TTLL6: variants seen among roughly 807,000 people sequenced by gnomAD.
TTLL6 encodes tubulin polyglutamylase TTLL6.
TTLL6 carries 75 observed loss-of-function variants against 96.4 expected under a neutral mutation model. The ratio of observed to expected loss-of-function variants is 0.78; its 90% CI spans 0.65 to 0.94. The LOEUF (loss-of-function observed/expected upper bound fraction) is 0.94, where lower values mean the gene tolerates loss of function less well. TTLL6 is among the 40% of genes least tolerant of loss of function. TTLL6 has a pLI of 0.00. For missense variants in TTLL6, 1,030 were observed against 1,093.0 expected (o/e 0.94, Z 0.81); for synonymous variants, 411 against 419.4 (o/e 0.98, Z 0.24).
Position 48,773,991 on chromosome 17 carries a change from A to C in TTLL6, c.2041-3894T>G, listed in dbSNP as rs531505642. 2.4e-3 allele frequency among the ~76,000 whole-genome samples: 354 copies of C among 147,046 alleles called. 1 individual carries two copies. The highest frequency in any genetic ancestry group is 8.6e-3 in the African/African-American group (346 of 40,176). On this transcript the variant is annotated intron_variant, in intron 13 of 15. Transcript: ENST00000393382. Reference sequence around the variant, plus strand: ...CAGCTACTTGGGAGGCTGAGGCAGGAGAATCGCTTGAACCTGGGAAGCGGA... The same window carrying C: ...CAGCTACTTGGGAGGCTGAGGCAGGCGAATCGCTTGAACCTGGGAAGCGGA...
At chr17:48,803,084 C>T (rs1002544400) in intron 3 of TTLL6, among the ~76,000 whole-genome samples, 1 of 152,034 alleles carries the variant, frequency 6.6e-6, no homozygotes, top group Admixed American at 6.6e-5. Context: ...GCAAGAAAAT[C>T]GCTTGAGCCC....
At chr17:48,792,832 G>A (rs1487099625) in intron 8 of TTLL6, among the ~76,000 whole-genome samples, 3 of 152,150 alleles carry the variant, frequency 2.0e-5, no homozygotes, top group Admixed American at 1.3e-4. Context: ...TTTTTTTCAA[G>A]TGGAGAAAAT....
At chr17:48,786,817 C>T (rs1438491117) in intron 11 of TTLL6, among the ~76,000 whole-genome samples, 1 of 150,160 alleles carries the variant, frequency 6.7e-6, no homozygotes, top group Admixed American at 6.7e-5. Flanking sequence ...GAGTTCTGGT[C>T]CCTCTTCTGT....
chr17:48,777,471 C>T (rs1316326116), intron 13 of TTLL6, among the ~76,000 whole-genome samples: 1 of 152,140 alleles, frequency 6.6e-6, no homozygotes, highest in Admixed American at 6.5e-5. Context: ...TGGCTCATGC[C>T]TGTAATCCCA....
At chr17:48,773,460 G>A (rs928202869) in intron 13 of TTLL6, among the ~76,000 whole-genome samples, 1 of 152,162 alleles carries the variant, frequency 6.6e-6, no homozygotes, top group Non-Finnish European at 1.5e-5. Flanking sequence ...ACAGGCTCAT[G>A]CCTATAATCC....
At chr17:48,763,608 T>A (rs2038532504) in intron 15 of TTLL6, among the ~76,000 whole-genome samples, 1 of 151,902 alleles carries the variant, frequency 6.6e-6, no homozygotes, top group Non-Finnish European at 1.5e-5. Context: ...ACCAGCCTCG[T>A]CAACATGGAG....
chr17:48,770,157 A>ATT, intron 13 of TTLL6, 60 bp from the exon 14 acceptor site: 1 of 1,436,834 alleles, frequency 7.0e-7, no homozygotes, highest in Non-Finnish European at 9.3e-7. Context: ...TTCCTATGCT[A>ATT]TTTTTTTTTT....
At chr17:48,775,122 TA>T (rs796616549) in intron 13 of TTLL6, among the ~76,000 whole-genome samples, 7,242 of 141,918 alleles carry the variant, frequency 0.051, 294 homozygotes, top group African/African-American at 0.12. Context: ...GACTCCATCT[TA>T]AAAAAAAAAA....
chr17:48,774,680 C>A (rs2038836430), intron 13 of TTLL6, among the ~76,000 whole-genome samples: 2 of 151,988 alleles, frequency 1.3e-5, no homozygotes, highest in Non-Finnish European at 2.9e-5. Flanking sequence ...CCTCAAAAAC[C>A]ACAAACTGCC....
At chr17:48,807,552 C>A (rs913188741) in intron 1 of TTLL6, among the ~76,000 whole-genome samples, 5 of 152,030 alleles carry the variant, frequency 3.3e-5, no homozygotes, top group Admixed American at 2.0e-4. Flanking sequence ...TGCTTTGTCG[C>A]CCAGGCTGAA....
chr17:48,805,041 G>A (rs1460764991), intron 1 of TTLL6, 50 bp from the exon 2 acceptor site: 1 of 1,437,794 alleles, frequency 7.0e-7, no homozygotes, highest in African/African-American at 1.4e-5. Context: ...ACCTGCAGGG[G>A]GACCCCCTCC....
intron 14 of TTLL6, 74 bp from the exon 15 acceptor site, chr17:48,769,328 T>A: frequency 6.6e-7 from 1 of 1,505,930 alleles, no homozygotes; most frequent in African/African-American, 1.4e-5. Flanking sequence ...GAAGACCACC[T>A]CCCAGTAGGG....
rs1340353822 is a variant in TTLL6, at chr17:48,769,169, C to A, written c.2496G>T (p.Leu832Phe). 1.2e-6 allele frequency: 2 copies of A among 1,614,016 alleles called. No homozygotes were observed. The highest frequency in any genetic ancestry group is 1.7e-6 in the Non-Finnish European group (2 of 1,180,018). Residue 832 changes from leucine (L) to phenylalanine (F), a missense_variant, in exon 15 of 16, where the codon TTG becomes TTT. Coordinates refer to ENST00000393382, the MANE Select transcript of TTLL6 (RefSeq NM_001130918.3). ...KRQLDVSSLL[L>F]QSPQSYNVTL... is the part of the protein sequence containing the mutation. ...TAACATTATAGCTCTGAGGACTCTGCAAGAGGAGGGAGGACACATCCAGCT... is the reference window on the plus strand; with the variant it reads ...TAACATTATAGCTCTGAGGACTCTGAAAGAGGAGGGAGGACACATCCAGCT...
At position 48,791,365 on chromosome 17, in the gene TTLL6, C is replaced by T; in HGVS notation, c.1224+13G>A. 1 of 1,612,786 alleles carries T rather than the reference C, an allele frequency of 6.2e-7. No individual in the cohort carries two copies. The highest frequency in any genetic ancestry group is 8.5e-7 in the Non-Finnish European group (1 of 1,179,130). ...CAGGAGTTCGTTTTCGCCCCTCGCC[C>T]AAACTTCCCTACCTCCAGCAGCCAG... On this transcript the variant is annotated intron_variant, in intron 9 of 15. Transcript: ENST00000393382.
chr17:48,796,789 A>C (rs1268224471), intron 7 of TTLL6, among the ~76,000 whole-genome samples: 2 of 152,090 alleles, frequency 1.3e-5, no homozygotes, highest in Non-Finnish European at 2.9e-5. Context: ...GGAGTCAGGC[A>C]GACCTGGCCA....
In TTLL6 at chr17:48,769,962, A is replaced by C; in HGVS notation, c.2176T>G (p.Cys726Gly). 6.2e-7 allele frequency: 1 copy of C among 1,614,116 alleles called. No homozygotes were observed. Among genetic ancestry groups the C allele is most frequent in the Non-Finnish European group, 8.5e-7 (1 of 1,180,034 alleles). ...TGTGGAGGGGTCTGCTGCTTCTTGC[A>C]TTTAAAGGATACCACCCTGTCCGTC... ...PETDRVVSFK[C>G]KKQQTPPHLT... is the part of the protein sequence containing the mutation. The change falls in exon 14 of 16, where the codon TGC becomes GGC. Residue 726 changes from cysteine (C) to glycine (G), a missense_variant. By Grantham distance (159) the Cys-to-Gly change is radical. Transcript: ENST00000393382.
Position 48,762,977 on chromosome 17 carries a change from G to GA in TTLL6, c.*1-5dup, listed in dbSNP as rs760567729. 255 of 418,046 alleles carry GA rather than the reference G, an allele frequency of 6.1e-4. No individual in the cohort carries two copies. The highest frequency in any genetic ancestry group is 1.1e-3 in the Admixed American group (38 of 33,410). The allele number at this position is 418,046 out of a possible 1,614,324, so 25.9% of individuals were successfully genotyped here. A position where few individuals can be genotyped will look rare whatever the true frequency, so the allele number is the denominator to read the frequency against. On this transcript the variant is annotated splice_region_variant and splice_polypyrimidine_tract_variant and intron_variant, in intron 15 of 15. Transcript: ENST00000393382. ...GTGGCAGAGATCCAGTCTGATTCTG[G>GA]AAAAAAAAAATTTTTTTTTTAGATT...
intron 10 of TTLL6, 59 bp from the exon 11 acceptor site, chr17:48,788,058 G>T: frequency 6.4e-7 from 1 of 1,555,676 alleles, no homozygotes. Flanking sequence ...AGCCTGGAAG[G>T]GATATGTCCA....
intron 8 of TTLL6, among the ~76,000 whole-genome samples, chr17:48,795,530 G>A (rs2039300985): frequency 6.6e-6 from 1 of 152,060 alleles, no homozygotes; most frequent in Admixed American, 6.6e-5. Flanking sequence ...TAACAGGAAT[G>A]GAAAAGCCTC....
Sources: gnomAD v4.1 joint callset for allele counts (sites outside exome capture counted in the v4.1 genomes callset) on GRCh38, gnomAD v4.1.1 for gene constraint, MANE v1.5 for transcripts, NCBI Gene and HGNC (gene_info 2026-07-23, HGNC 2026-07-21) for gene names.